Variants in HIP1R observed in about 807,000 individuals in gnomAD.
HIP1R encodes huntingtin-interacting protein 1-related protein.
In HIP1R, 135 loss-of-function variants were observed where a neutral mutation model predicts 144.2. The observed-to-expected ratio is 0.94, with a 90% CI of 0.81 to 1.08. HIP1R has a LOEUF of 1.08. HIP1R is among the 50% of genes least tolerant of loss of function. HIP1R has a pLI of 0.00. For synonymous variants in HIP1R, 698 were observed against 612.8 expected (o/e 1.14, Z -2.05); for missense variants, 1,462 against 1,432.8 (o/e 1.02, Z -0.33).
Position 122,856,482 on chromosome 12 carries a change from G to C in HIP1R, c.1452G>C (p.Glu484Asp). 6.3e-7 allele frequency: 1 copy of C among 1,589,788 alleles called. No homozygotes were observed. The highest frequency in any genetic ancestry group is 1.8e-5 in the Admixed American group (1 of 55,478). Residue 484 changes from glutamate (E) to aspartate (D), a missense_variant, in exon 16 of 32, where the codon GAG becomes GAC. By Grantham distance (45) the Glu-to-Asp change is conservative. Around this residue, in one of 2 missense-constraint regions of HIP1R, gnomAD observed 1,112 missense variants for 1,011.7 expected, o/e 1.10. Coordinates refer to ENST00000253083, the MANE Select transcript of HIP1R (RefSeq NM_003959.3). ...CGGTGACGCAGCAAAGCCAGGAGGAGGTGGCGCGGGTGAAGGAGCAGCTGG... is the reference window on the plus strand; with the variant it reads ...CGGTGACGCAGCAAAGCCAGGAGGACGTGGCGCGGGTGAAGGAGCAGCTGG... ...QLTVTQQSQE[E>D]VARVKEQLAF...
At chr12:122,835,093 T>TTCCCC, upstream of HIP1R, 1 of 982,782 alleles carries the variant, frequency 1.0e-6, no homozygotes, top group Non-Finnish European at 1.4e-6. Flanking sequence ...CCCCTCCCCC[T>TTCCCC]TCCCCTACCC....
At chr12:122,848,723 G>C (rs2033287156) in intron 3 of HIP1R, 73 bp from the exon 4 acceptor site, 2 of 1,600,866 alleles carry the variant, frequency 1.2e-6, no homozygotes, top group African/African-American at 1.3e-5. Flanking sequence ...CGCCTCGGGT[G>C]GGGAGTGCGT....
In HIP1R at chr12:122,835,534, C is replaced by A; in HGVS notation, c.-17C>A. On this transcript the variant is annotated 5_prime_UTR_variant, in exon 1 of 32. Coordinates refer to ENST00000253083, the MANE Select transcript of HIP1R (RefSeq NM_003959.3). ...TCGCGCGGACGGAGCCGGACAAAAG[C>A]GGGCGGCGGCGGCAGGATGAACAGC... 1 of 1,331,570 alleles carries A rather than the reference C, an allele frequency of 7.5e-7. No individual in the cohort carries two copies. The highest frequency in any genetic ancestry group is 1.7e-5 in the South Asian group (1 of 57,260). 82.5% of individuals were successfully genotyped at this position (1,331,570 alleles called of 1,614,324 possible).
At position 122,857,189 on chromosome 12, in the gene HIP1R, G is replaced by A. The variant is rs1167388670; in HGVS notation, c.1789G>A (p.Glu597Lys). ...GCAGCGCAGCTCCCAGGAGCAGGGCGAGTTGCAGGGCCGGCTGGCAGAGAG... is the reference window on the plus strand; with the variant it reads ...GCAGCGCAGCTCCCAGGAGCAGGGCAAGTTGCAGGGCCGGCTGGCAGAGAG... ...EQQRSSQEQG[E>K]LQGRLAERES... Residue 597 changes from glutamate (E) to lysine (K), a missense_variant, in exon 18 of 32, where the codon GAG (glutamate) becomes AAG (lysine). This residue lies in a region of HIP1R where 1,112 missense variants were observed against 1,011.7 expected (regional missense o/e 1.10). Coordinates refer to ENST00000253083, the MANE Select transcript of HIP1R (RefSeq NM_003959.3). 3 of 1,550,446 alleles carry A rather than the reference G, an allele frequency of 1.9e-6. No homozygotes were observed. Among genetic ancestry groups the A allele is most frequent in the South Asian group, 1.2e-5 (1 of 84,054 alleles).
At chr12:122,837,346 GTCTC>G (rs1444054183) in intron 1 of HIP1R, among the ~76,000 whole-genome samples, 2 of 149,698 alleles carry the variant, frequency 1.3e-5, no homozygotes, top group East Asian at 2.0e-4. Flanking sequence ...TAAAGACAGA[GTCTC>G]TCTCGTTGCC....
intron 31 of HIP1R, 40 bp downstream of exon 31, chr12:122,861,554 G>T (rs919729578): frequency 6.3e-6 from 10 of 1,586,692 alleles, no homozygotes; most frequent in African/African-American, 2.7e-5. Context: ...CTGGACGGGG[G>T]TGCTGTCCCC....
upstream of HIP1R, chr12:122,834,901 G>A (rs899060590): frequency 8.0e-7 from 1 of 1,244,156 alleles, no homozygotes; most frequent in Non-Finnish European, 1.1e-6. Context: ...CATACATTAA[G>A]ACCAAAAAGG....
At chr12:122,837,945 T>C (rs780501196) in intron 1 of HIP1R, among the ~76,000 whole-genome samples, 1 of 152,114 alleles carries the variant, frequency 6.6e-6, no homozygotes, top group Non-Finnish European at 1.5e-5. Flanking sequence ...GGACAGAAAA[T>C]AGCACATGCA....
Position 122,840,438 on chromosome 12 carries a change from CT to C in HIP1R, c.93+4796del, listed in dbSNP as rs2033026588. Among the ~76,000 whole-genome samples the C allele has an allele frequency of 6.6e-6, 1 of 152,250 alleles. No homozygotes were observed. Among genetic ancestry groups the C allele is most frequent in the Admixed American group, 6.5e-5 (1 of 15,284 alleles). ...CAAGAGCAAGCTCCAGGTTCAGCCCCTGGCTCTGTCCCTTCACCACTCTGCC... is the reference window on the plus strand; with the variant it reads ...CAAGAGCAAGCTCCAGGTTCAGCCCCGGCTCTGTCCCTTCACCACTCTGCC... On this transcript the variant is annotated intron_variant, in intron 1 of 31. Transcript: ENST00000253083. The surrounding 1 kb of genome is among the most constrained non-coding windows in gnomAD (Gnocchi z 4.2).
chr12:122,854,354 A>C (rs1021690469), intron 8 of HIP1R, among the ~76,000 whole-genome samples, 171 bp downstream of exon 8: 48 of 151,930 alleles, frequency 3.2e-4, no homozygotes, highest in African/African-American at 9.9e-4. Context: ...AAAAAAAAAA[A>C]AAAACCCACT....
chr12:122,856,019 G>A lies in HIP1R; in HGVS notation c.1168G>A (p.Ala390Thr). The change falls in exon 14 of 32, where the codon GCA becomes ACA. Residue 390 changes from alanine to threonine, a missense_variant. By Grantham distance (58) the Ala-to-Thr change is moderately conservative. Around this residue, in one of 2 missense-constraint regions of HIP1R, gnomAD observed 1,112 missense variants for 1,011.7 expected, o/e 1.10. Transcript: ENST00000253083. Reference sequence around the variant, plus strand: ...CGCGCAGCTGAAGAGCCAGGTGAATGCACTGGAGGGTGAGCTGGAGGAGCA... The same window carrying A: ...CGCGCAGCTGAAGAGCCAGGTGAATACACTGGAGGGTGAGCTGGAGGAGCA... ...YIAQLKSQVN[A>T]LEGELEEQRK... 6.3e-7 allele frequency: 1 copy of A among 1,596,500 alleles called. No individual in the cohort carries two copies. The highest frequency in any genetic ancestry group is 8.5e-7 in the Non-Finnish European group (1 of 1,171,826).
In HIP1R at chr12:122,855,607, C is replaced by T. The variant is rs79899318; in HGVS notation, c.1050C>T (p.Asp350=). 371 of 1,549,572 alleles carry T rather than the reference C, an allele frequency of 2.4e-4. No individual in the cohort carries two copies. In the East Asian group the frequency reaches 6.1e-3, roughly 25 times the overall value. The change falls in exon 12 of 32, where the codon GAC becomes GAT. Residue 350 remains aspartate (D), a synonymous_variant. Transcript: ENST00000253083. ...TFGPPNGSVK[D]DRDLQIESLK... is the part of the protein sequence containing the mutation. ...GACCCCCCAATGGGTCTGTGAAGGACGACAGGTGAGGGCTGGAGGAGCCGA... is the reference window on the plus strand; with the variant it reads ...GACCCCCCAATGGGTCTGTGAAGGATGACAGGTGAGGGCTGGAGGAGCCGA...
At chr12:122,835,085 C>T (rs1305074561), upstream of HIP1R, 19 of 1,046,982 alleles carry the variant, frequency 1.8e-5, no homozygotes, top group Non-Finnish European at 2.3e-5. Flanking sequence ...AGGGGTTCCC[C>T]CTCCCCCTTC....
At chr12:122,852,351 G>GC (rs1216058624) in intron 7 of HIP1R, among the ~76,000 whole-genome samples, 2 of 152,178 alleles carry the variant, frequency 1.3e-5, no homozygotes, top group African/African-American at 4.8e-5. Context: ...CAAAGGTGTG[G>GC]CCCCAACTGT....
intron 6 of HIP1R, 71 bp downstream of exon 6, chr12:122,850,982 C>A: frequency 2.2e-6 from 3 of 1,359,974 alleles, no homozygotes; most frequent in Non-Finnish European, 3.1e-6. Flanking sequence ...GCGTCTCACG[C>A]CCAGGCGTCC....
At position 122,861,919 on chromosome 12, in the gene HIP1R, T is replaced by C. The variant is rs2033783892; in HGVS notation, c.*166T>C. 5.0e-6 allele frequency: 3 copies of C among 602,678 alleles called. No individual in the cohort carries two copies. The Admixed American group carries it at 9.6e-5, about 19-fold the overall frequency. The allele number at this position is 602,678 out of a possible 1,614,324, so 37.3% of individuals were successfully genotyped here. On this transcript the variant is annotated 3_prime_UTR_variant, in exon 32 of 32. Coordinates refer to ENST00000253083, the MANE Select transcript of HIP1R (RefSeq NM_003959.3). ...GGCCCTTACTGAGCCTGCAGGGTCC[T>C]GGGCCATGTGGGTGGTGCTTCTGGA...
chr12:122,862,536 A>AG lies in HIP1R; in HGVS notation c.*787dup, dbSNP rs1354889307. ...TGGCCGCGCCCCACTGCCCACCTGA[A>AG]GGGGTGGTTTCCAGCCCTCCGGAGA... On this transcript the variant is annotated 3_prime_UTR_variant, in exon 32 of 32. Transcript: ENST00000253083. 1 of 152,148 alleles carries AG rather than the reference A, an allele frequency of 6.6e-6. No homozygotes were observed. Among genetic ancestry groups the AG allele is most frequent in the Non-Finnish European group, 1.5e-5 (1 of 68,042 alleles). The allele number at this position is 152,148 out of a possible 1,614,324, so 9.4% of individuals were successfully genotyped here.
chr12:122,850,734 T>C, intron 5 of HIP1R, 101 bp from the exon 6 acceptor site: 1 of 424,566 alleles, frequency 2.4e-6, no homozygotes, highest in South Asian at 2.0e-5. Flanking sequence ...TGGGGGGCCC[T>C]GGTTCAGTGG....
At chr12:122,854,806 C>T (rs1232329343) in intron 8 of HIP1R, 99 bp from the exon 9 acceptor site, 15 of 1,307,030 alleles carry the variant, frequency 1.1e-5, no homozygotes, top group East Asian at 2.3e-5. Context: ...CAGGTGATCT[C>T]TGATCTGTGA....
Sources: gnomAD v4.1 joint callset for allele counts (sites outside exome capture counted in the v4.1 genomes callset) on GRCh38, gnomAD v4.1.1 for gene constraint, gnomAD v4.1.1 regional missense constraint, Gnocchi (gnomAD v3.1) non-coding constraint, MANE v1.5 for transcripts, NCBI Gene and HGNC (gene_info 2026-07-23, HGNC 2026-07-21) for gene names.